LHFPL3: variants seen among roughly 807,000 people sequenced by gnomAD.
LHFPL3 encodes LHFPL tetraspan subfamily member 3 protein.
A neutral mutation model predicts 19.3 loss-of-function variants in LHFPL3; 5 were observed. The ratio of observed to expected loss-of-function variants is 0.26; its 90% CI spans 0.14 to 0.54. LHFPL3 has a LOEUF of 0.54. Among genes scored for constraint, LHFPL3 ranks in the 20% least tolerant of loss-of-function variants. The pLI, the probability that LHFPL3 is intolerant of heterozygous loss-of-function variation, is 0.94. For missense variants in LHFPL3, 249 were observed against 307.4 expected (o/e 0.81, Z 1.42); for synonymous variants, 133 against 126.2 (o/e 1.05, Z -0.36).
intron 1 of LHFPL3, among the ~76,000 whole-genome samples, chr7:104,529,699 T>G (rs571197891): frequency 1.3e-5 from 2 of 152,158 alleles, no homozygotes; most frequent in Admixed American, 6.5e-5. Context: ...TAGAAACTAA[T>G]TGAAGGGGTG....
chr7:104,747,034 G>A (rs919837668), intron 2 of LHFPL3, among the ~76,000 whole-genome samples: 9 of 152,100 alleles, frequency 5.9e-5, no homozygotes, highest in Admixed American at 5.2e-4. Context: ...TAAATATAAG[G>A]GTGATCATAG....
chr7:104,675,798 C>G (rs969951102), intron 1 of LHFPL3, among the ~76,000 whole-genome samples: 3 of 152,080 alleles, frequency 2.0e-5, no homozygotes, highest in African/African-American at 7.2e-5. Flanking sequence ...CAATTATTTT[C>G]AGGATGGAAG....
At chr7:104,390,733 G>A (rs1029314574) in intron 1 of LHFPL3, among the ~76,000 whole-genome samples, 1 of 152,198 alleles carries the variant, frequency 6.6e-6, no homozygotes, top group Admixed American at 6.5e-5. Context: ...GGTATTTCTA[G>A]TTCTAGATCC....
chr7:104,832,545 T>A (rs1562807702), intron 2 of LHFPL3, among the ~76,000 whole-genome samples: 1 of 151,824 alleles, frequency 6.6e-6, no homozygotes, highest in East Asian at 1.9e-4. Flanking sequence ...GATTACTCCT[T>A]CATCCACTTC....
At chr7:104,366,135 G>C (rs1790491922) in intron 1 of LHFPL3, among the ~76,000 whole-genome samples, 1 of 152,180 alleles carries the variant, frequency 6.6e-6, no homozygotes, top group Non-Finnish European at 1.5e-5. Flanking sequence ...AGAGCAGAGA[G>C]CGTTCTTTGG....
At chr7:104,354,490 C>A (rs1357184942) in intron 1 of LHFPL3, among the ~76,000 whole-genome samples, 4 of 152,234 alleles carry the variant, frequency 2.6e-5, no homozygotes, top group African/African-American at 7.2e-5. Flanking sequence ...CACACATCTG[C>A]TGGCAGTGCC....
chr7:104,612,931 C>G (rs991851200), intron 1 of LHFPL3, among the ~76,000 whole-genome samples: 3 of 152,180 alleles, frequency 2.0e-5, no homozygotes, highest in Admixed American at 6.5e-5. Flanking sequence ...TCCCACACTA[C>G]ACTCAGCTCT....
intron 1 of LHFPL3, among the ~76,000 whole-genome samples, chr7:104,417,594 C>G (rs542911421): frequency 7.4e-4 from 113 of 152,128 alleles, no homozygotes; most frequent in African/African-American, 2.6e-3. Context: ...AGGTATTAGT[C>G]TTTAGAGGCA....
chr7:104,903,512 T>C (rs1466374595), intron 2 of LHFPL3, among the ~76,000 whole-genome samples: 2 of 150,496 alleles, frequency 1.3e-5, no homozygotes, highest in Non-Finnish European at 3.0e-5. Context: ...TCACCCAGGC[T>C]GGAGTGCAGT....
chr7:104,788,136 A>G (rs1474182290), intron 2 of LHFPL3, among the ~76,000 whole-genome samples: 1 of 152,136 alleles, frequency 6.6e-6, no homozygotes, highest in Non-Finnish European at 1.5e-5. Flanking sequence ...GGGAAAACAT[A>G]ATTTCTTTAT....
Position 104,506,952 on chromosome 7 carries a change from A to G in LHFPL3, c.445+177728A>G, listed in dbSNP as rs189585322. 2.4e-3 allele frequency among the ~76,000 whole-genome samples: 365 copies of G among 152,366 alleles called. 1 individual carries two copies. Among genetic ancestry groups the G allele is most frequent in the Admixed American group, 5.8e-3 (89 of 15,294 alleles). ...ATATAAGTAGCTGACTAATTCACAA[A>G]GTATTCTATTGGAGACCACAGATAT... On this transcript the variant is annotated intron_variant, in intron 1 of 2. Transcript: ENST00000424859.
rs78272244 is a variant in LHFPL3 at position 104,845,460 on chromosome 7, C to G, written c.683-60727C>G. 1,519 of 1,532,996 alleles carry G rather than the reference C, an allele frequency of 9.9e-4. 30 individuals carry two copies. In the East Asian group the frequency reaches 0.036, roughly 36 times the overall value. The allele number at this position is 1,532,996 out of a possible 1,614,324, so 95.0% of individuals were successfully genotyped here. A position where few individuals can be genotyped will look rare whatever the true frequency, so the allele number is the denominator to read the frequency against. On this transcript the variant is annotated intron_variant, in intron 2 of 2. Transcript: ENST00000424859. Reference sequence around the variant, plus strand: ...TGTGAGCATGGCTTTGTGGGTTCAGCTCTGTTTTGTGCGCTTCTGCCTTCT... The same window carrying G: ...TGTGAGCATGGCTTTGTGGGTTCAGGTCTGTTTTGTGCGCTTCTGCCTTCT...
At chr7:104,433,943 A>G (rs1228082560) in intron 1 of LHFPL3, among the ~76,000 whole-genome samples, 2 of 152,258 alleles carry the variant, frequency 1.3e-5, no homozygotes, top group South Asian at 2.1e-4. Context: ...AAATACATGC[A>G]TATACTAATG....
intron 1 of LHFPL3, among the ~76,000 whole-genome samples, chr7:104,612,676 C>T (rs944235203): frequency 1.3e-5 from 2 of 152,172 alleles, no homozygotes; most frequent in Non-Finnish European, 2.9e-5. Context: ...GGTGCTGAAA[C>T]CTAAACCTTC....
At chr7:104,560,596 G>A (rs1399834507) in intron 1 of LHFPL3, among the ~76,000 whole-genome samples, 37 of 151,350 alleles carry the variant, frequency 2.4e-4, no homozygotes, top group Non-Finnish European at 4.3e-4. Context: ...TCTTGCTAGC[G>A]GTCTATCAAT....
In LHFPL3 at chr7:104,654,352, C is replaced by T. The variant is rs114129929; in HGVS notation, c.446-82323C>T. ...AAATATTCAGACATATTTCCGTGACCAGAGGGATGTAGATGAGCTGCCAGA... is the reference window on the plus strand; with the variant it reads ...AAATATTCAGACATATTTCCGTGACTAGAGGGATGTAGATGAGCTGCCAGA... On this transcript the variant is annotated intron_variant, in intron 1 of 2. Transcript: ENST00000424859. 8.5e-3 allele frequency among the ~76,000 whole-genome samples: 1,294 copies of T among 152,130 alleles called. 10 individuals are homozygous for T. The highest frequency in any genetic ancestry group is 0.029 in the African/African-American group (1,211 of 41,494).
At chr7:104,572,272 C>A (rs1790244531) in intron 1 of LHFPL3, among the ~76,000 whole-genome samples, 1 of 150,628 alleles carries the variant, frequency 6.6e-6, no homozygotes, top group Admixed American at 6.6e-5. Flanking sequence ...TTATAAAAGA[C>A]AAAAGTTCTC....
At chr7:104,712,591 A>G (rs1441308480) in intron 1 of LHFPL3, among the ~76,000 whole-genome samples, 1 of 152,226 alleles carries the variant, frequency 6.6e-6, no homozygotes, top group Non-Finnish European at 1.5e-5. Flanking sequence ...CTTTAAAGAT[A>G]GAAGGAGACC....
chr7:104,801,561 GTTTT>G (rs1790246483), intron 2 of LHFPL3, among the ~76,000 whole-genome samples: 1 of 151,720 alleles, frequency 6.6e-6, no homozygotes, highest in African/African-American at 2.4e-5. Flanking sequence ...ATGTTTGTTT[GTTTT>G]GTTTTGTTTT....
Sources: allele counts gnomAD v4.1 joint callset (sites outside exome capture counted in the v4.1 genomes callset), GRCh38; gene constraint gnomAD v4.1.1; transcripts MANE v1.5; gene names NCBI Gene and HGNC (gene_info 2026-07-23, HGNC 2026-07-21).